CDKN3: variants seen among roughly 807,000 people sequenced by gnomAD.
The protein encoded by CDKN3 is cyclin dependent kinase inhibitor 3.
In CDKN3, 19 loss-of-function variants were observed where a neutral mutation model predicts 36.1. The observed-to-expected ratio is 0.53, with a 90% CI of 0.37 to 0.77. The LOEUF (loss-of-function observed/expected upper bound fraction) is 0.77. Among genes scored for constraint, CDKN3 ranks in the 30% least tolerant of loss-of-function variants. The pLI is 0.00. For missense variants in CDKN3, 188 were observed against 248.6 expected, an observed-to-expected ratio of 0.76 and a Z score of 1.64; for synonymous variants, 71 against 85.3, an observed-to-expected ratio of 0.83 and a Z score of 0.92.
chr14:54,413,956 G>A (rs759435902), intron 5 of CDKN3: 66 of 407,910 alleles, frequency 1.6e-4, no homozygotes, highest in Non-Finnish European at 2.4e-4. Flanking sequence ...CATGCCCTCT[G>A]AGACTGAGGA....
chr14:54,401,941 C>A (rs978460769), intron 3 of CDKN3, among the ~76,000 whole-genome samples: 48 of 152,236 alleles, frequency 3.2e-4, no homozygotes, highest in African/African-American at 1.1e-3. Flanking sequence ...CGGGTGCAGT[C>A]ACTCACACCC....
intron 4 of CDKN3, among the ~76,000 whole-genome samples, chr14:54,409,247 TG>T (rs1262228965): frequency 2.0e-5 from 3 of 152,072 alleles, no homozygotes; most frequent in African/African-American, 7.2e-5. Flanking sequence ...GAATGGGAAC[TG>T]GTTGTTGCCT....
chr14:54,398,986 CCT>C (rs1566702730), intron 1 of CDKN3, among the ~76,000 whole-genome samples: 1 of 74,182 alleles, frequency 1.3e-5, no homozygotes, highest in African/African-American at 4.5e-5. Flanking sequence ...TTTTCTTCTT[CCT>C]TTTTTTTTTT....
intron 7 of CDKN3, chr14:54,418,324 T>C (rs1407949046): frequency 2.9e-6 from 2 of 688,232 alleles, no homozygotes; most frequent in Non-Finnish European, 2.6e-6. Flanking sequence ...CTTGGGTAGA[T>C]TCTTGGCCAA....
intron 5 of CDKN3, chr14:54,413,619 G>A (rs997304880): frequency 7.2e-6 from 11 of 1,534,916 alleles, no homozygotes; most frequent in Admixed American, 2.0e-5. Flanking sequence ...TTTCGAAGGT[G>A]TCCTACGGTG....
chr14:54,408,981 A>G (rs976162505), intron 4 of CDKN3, among the ~76,000 whole-genome samples, 192 bp downstream of exon 4: 4 of 151,820 alleles, frequency 2.6e-5, no homozygotes, highest in African/African-American at 9.7e-5. Flanking sequence ...TTACCTAACC[A>G]TGGAGTTGCT....
At chr14:54,410,348 T>G (rs2030307586) in intron 4 of CDKN3, among the ~76,000 whole-genome samples, 1 of 152,188 alleles carries the variant, frequency 6.6e-6, no homozygotes, top group Non-Finnish European at 1.5e-5. Context: ...GTACTGTACA[T>G]CTCAGGGATT....
chr14:54,402,974 C>T (rs2030013886), intron 3 of CDKN3, among the ~76,000 whole-genome samples: 1 of 152,168 alleles, frequency 6.6e-6, no homozygotes, highest in Non-Finnish European at 1.5e-5. Flanking sequence ...AGTTTGAAGT[C>T]AGGTAGCGTG....
chr14:54,397,018 G>A lies in CDKN3; in HGVS notation c.-51G>A. 2.1e-6 allele frequency: 3 copies of A among 1,443,040 alleles called. No individual in the cohort carries two copies. Among genetic ancestry groups the A allele is most frequent in the South Asian group, 1.4e-5 (1 of 70,694 alleles). The allele number at this position is 1,443,040 out of a possible 1,614,324, so 89.4% of individuals were successfully genotyped here. On this transcript the variant is annotated 5_prime_UTR_variant, in exon 1 of 8. Coordinates refer to ENST00000335183, the MANE Select transcript of CDKN3 (RefSeq NM_005192.4). ...GGCTCGGCCGGGGCACCGGTGAGTCGCCGGCGCTGCAGAGGGAGGCGGCAC... is the reference window on the plus strand; with the variant it reads ...GGCTCGGCCGGGGCACCGGTGAGTCACCGGCGCTGCAGAGGGAGGCGGCAC...
intron 4 of CDKN3, 35 bp downstream of exon 4, chr14:54,408,824 T>C (rs778401599): frequency 6.6e-7 from 1 of 1,519,312 alleles, no homozygotes; most frequent in Admixed American, 2.5e-5. Context: ...ACTCATGGGT[T>C]TTTTAAATGA....
intron 3 of CDKN3, among the ~76,000 whole-genome samples, chr14:54,405,799 A>G (rs2030134339): frequency 6.6e-6 from 1 of 151,928 alleles, no homozygotes; most frequent in African/African-American, 2.4e-5. Context: ...CCAATTTGCC[A>G]GTCTGTGTCT....
rs144566805 is a variant in CDKN3, at chr14:54,403,664, T to C, written c.148+2085T>C. ...CAGCTTTTGCCCATTCAGTATGATA[T>C]TGGCTGTGGGTTTGTCATAAATAGC... On this transcript the variant is annotated intron_variant, in intron 3 of 7. Transcript: ENST00000335183. Among the ~76,000 whole-genome samples, 721 of 152,340 alleles carry C rather than the reference T, an allele frequency of 4.7e-3. 5 individuals carry two copies. The highest frequency in any genetic ancestry group is 0.016 in the African/African-American group (680 of 41,580).
chr14:54,414,614 T>G (rs200781335), intron 5 of CDKN3, among the ~76,000 whole-genome samples: 1 of 151,268 alleles, frequency 6.6e-6, no homozygotes, highest in East Asian at 1.9e-4. Context: ...GGCACTGTCA[T>G]AGCTCACTGT....
intron 3 of CDKN3, among the ~76,000 whole-genome samples, chr14:54,402,720 T>C (rs10146256): frequency 0.018 from 2,684 of 152,284 alleles, 82 homozygotes; most frequent in African/African-American, 0.061. Context: ...CTAAGTTAAT[T>C]TGTGTGTAAG....
rs551587936 is a variant in CDKN3 at position 54,399,292 on chromosome 14, A to G, written c.10-602A>G. Among the ~76,000 whole-genome samples the G allele has an allele frequency of 7.9e-5, 12 of 151,934 alleles. No individual in the cohort carries two copies. The South Asian group carries it at 2.5e-3, about 32-fold the overall frequency. On this transcript the variant is annotated intron_variant, in intron 1 of 7. Coordinates refer to ENST00000335183, the MANE Select transcript of CDKN3 (RefSeq NM_005192.4). ...TAAGCCACCGCACCCTCCCTTTCCT[A>G]TCTTCTTTAAAACCTGCTCTTCCTT...
chr14:54,399,810 C>A, intron 1 of CDKN3, 84 bp from the exon 2 acceptor site: 1 of 746,650 alleles, frequency 1.3e-6, no homozygotes, highest in South Asian at 1.5e-5. Context: ...AATATGAATT[C>A]AGTGTGTGTT....
chr14:54,399,854 A>C (rs1220912195), intron 1 of CDKN3, 40 bp from the exon 2 acceptor site: 2 of 1,064,336 alleles, frequency 1.9e-6, no homozygotes, highest in Admixed American at 3.5e-5. Context: ...AACTACAAAA[A>C]AATTCTTTAC....
intron 5 of CDKN3, chr14:54,413,468 T>G (rs1480722189): frequency 3.3e-6 from 2 of 614,898 alleles, no homozygotes; most frequent in Non-Finnish European, 2.8e-6. Flanking sequence ...CTGTAGCTGG[T>G]TCTGGCAACC....
intron 3 of CDKN3, among the ~76,000 whole-genome samples, chr14:54,404,825 C>T (rs1375755294): frequency 1.3e-5 from 2 of 152,124 alleles, no homozygotes; most frequent in African/African-American, 4.8e-5. Context: ...ATCCATCCAC[C>T]CGCCTTGGCC....
Sources: allele counts gnomAD v4.1 joint callset (sites outside exome capture counted in the v4.1 genomes callset), GRCh38; gene constraint gnomAD v4.1.1; transcripts MANE v1.5; gene names NCBI Gene and HGNC (gene_info 2026-07-23, HGNC 2026-07-21).